The following ASIC1 variants were observed in gnomAD, a reference collection of about 807,000 sequenced individuals.
ASIC1 encodes the protein acid-sensing ion channel 1.
Under a neutral mutation model 63.4 loss-of-function variants are expected in ASIC1, and 21 were observed. That is an observed-to-expected ratio of 0.33 (90% CI 0.23 to 0.48). The LOEUF is 0.48. ASIC1 is among the 20% of genes least tolerant of loss of function. The pLI is 0.99. For missense variants in ASIC1, 478 were observed against 695.5 expected (o/e 0.69, Z 3.52); for synonymous variants, 258 against 278.2 (o/e 0.93, Z 0.72).
chr12:50,079,171 G>A (rs1950689157), intron 7 of ASIC1, among the ~76,000 whole-genome samples, 191 bp downstream of exon 7: 1 of 152,148 alleles, frequency 6.6e-6, no homozygotes, highest in Admixed American at 6.5e-5. Context: ...CAGCACTTTG[G>A]GAGGCTGAGG....
At chr12:50,079,728 G>A (rs766500724) in intron 7 of ASIC1, among the ~76,000 whole-genome samples, 174 bp from the exon 8 acceptor site, 2 of 152,162 alleles carry the variant, frequency 1.3e-5, no homozygotes, top group Admixed American at 6.5e-5. Context: ...CATGCCTCAG[G>A]CTGGATGGTG....
At chr12:50,072,930 G>A (rs545007182) in intron 3 of ASIC1, among the ~76,000 whole-genome samples, 183 of 152,314 alleles carry the variant, frequency 1.2e-3, no homozygotes, top group African/African-American at 4.3e-3. Context: ...CAGGGTCGGG[G>A]ACTGGAATTG....
At chr12:50,069,700 A>ATT (rs112116475) in intron 3 of ASIC1, among the ~76,000 whole-genome samples, 5 of 147,412 alleles carry the variant, frequency 3.4e-5, no homozygotes, top group African/African-American at 1.2e-4. Flanking sequence ...TGATAGAGTC[A>ATT]TTTTTTTTTT....
At chr12:50,063,055 G>GA (rs1161317666) in intron 3 of ASIC1, among the ~76,000 whole-genome samples, 1 of 152,198 alleles carries the variant, frequency 6.6e-6, no homozygotes, top group Non-Finnish European at 1.5e-5. Context: ...CAACCACAGT[G>GA]ACCCAACCAC....
In ASIC1 at chr12:50,059,069, C is replaced by T. The variant is rs141895319; in HGVS notation, c.303C>T (p.Ser101=). The change falls in exon 2 of 12, where the codon AGC becomes AGT. Residue 101 remains serine, a synonymous_variant. Coordinates refer to ENST00000447966, the MANE Select transcript of ASIC1 (RefSeq NM_001095.4). The surrounding 1 kb of genome is among the most constrained non-coding windows in gnomAD (Gnocchi z 4.6). ...GCAACCTCAACGAGTTCCGCTTTAG[C>T]CAAGTCTCCAAGAATGACCTGTATC... ...TLCNLNEFRF[S]QVSKNDLYHA... is the part of the protein sequence containing the mutation. 4.0e-4 allele frequency: 644 copies of T among 1,614,184 alleles called. 2 individuals carry two copies. The highest frequency in any genetic ancestry group is 2.7e-5 in the Non-Finnish European group (32 of 1,180,018).
chr12:50,061,731 G>A (rs1015760321), intron 3 of ASIC1, among the ~76,000 whole-genome samples: 2 of 152,228 alleles, frequency 1.3e-5, no homozygotes, highest in Non-Finnish European at 2.9e-5. Flanking sequence ...AAAGTATTCA[G>A]TTGAGGCTCC....
intron 3 of ASIC1, among the ~76,000 whole-genome samples, chr12:50,075,419 T>C (rs1434008044): frequency 6.6e-6 from 1 of 152,214 alleles, no homozygotes; most frequent in Non-Finnish European, 1.5e-5. Context: ...ACAGGGCTGC[T>C]AGCCGGCCTC....
intron 3 of ASIC1, among the ~76,000 whole-genome samples, chr12:50,070,354 G>C (rs921161138): frequency 6.6e-6 from 1 of 152,050 alleles, no homozygotes; most frequent in Non-Finnish European, 1.5e-5. Context: ...ACATGCAGTT[G>C]GGTGTGTGTG....
intron 4 of ASIC1, 47 bp from the exon 5 acceptor site, chr12:50,077,953 T>TA (rs1306741672): frequency 1.3e-6 from 2 of 1,575,910 alleles, no homozygotes; most frequent in South Asian, 2.4e-5. Context: ...TGAGGGGTGT[T>TA]AGGGAGTCAG....
rs191288553 is a variant in ASIC1, at chr12:50,070,437, G to A, written c.559-6776G>A. Among the ~76,000 whole-genome samples, 907 of 151,794 alleles carry A rather than the reference G, an allele frequency of 6.0e-3. 7 individuals carry two copies. The highest frequency in any genetic ancestry group is 7.9e-3 in the Non-Finnish European group (538 of 67,896). ...GTGTGTGTGTTGGGGTGTGTGTGTC[G>A]CCCCACACCAGGGCTGCGTGTCTGT... On this transcript the variant is annotated intron_variant, in intron 3 of 11. Transcript: ENST00000447966.
chr12:50,062,600 A>G (rs1420216317), intron 3 of ASIC1, among the ~76,000 whole-genome samples: 2 of 29,626 alleles, frequency 6.8e-5, no homozygotes, highest in South Asian at 1.5e-3. Context: ...ACCTTGCTCA[A>G]TGCTTTTGCA....
In ASIC1 at chr12:50,058,757, C is replaced by G; in HGVS notation, c.-10C>G. The G allele has an allele frequency of 1.9e-6, 3 of 1,566,120 alleles. No homozygotes were observed. Among genetic ancestry groups the G allele is most frequent in the African/African-American group, 2.7e-5 (2 of 74,276 alleles). On this transcript the variant is annotated 5_prime_UTR_variant, in exon 2 of 12. Coordinates refer to ENST00000447966, the MANE Select transcript of ASIC1 (RefSeq NM_001095.4). ...TCCCTCCCTCCTCCCCCAGGATCCCCTCAACAAGGATGGAACTGAAGGCCG... is the reference window on the plus strand; with the variant it reads ...TCCCTCCCTCCTCCCCCAGGATCCCGTCAACAAGGATGGAACTGAAGGCCG...
chr12:50,075,400 C>T (rs1015072253), intron 3 of ASIC1, among the ~76,000 whole-genome samples: 6 of 152,182 alleles, frequency 3.9e-5, no homozygotes, highest in Non-Finnish European at 7.3e-5. Flanking sequence ...TCCTCTGAAC[C>T]GGCGCAAGAC....
rs941769265 is a variant in ASIC1 at position 50,059,213 on chromosome 12, G to C, written c.362+85G>C. The C allele has an allele frequency of 1.9e-5, 29 of 1,542,632 alleles. No homozygotes were observed. Among genetic ancestry groups the C allele is most frequent in the Non-Finnish European group, 2.4e-5 (28 of 1,147,138 alleles). On this transcript the variant is annotated intron_variant, in intron 2 of 11. Transcript: ENST00000447966. This position sits in a 1 kb window ranked among gnomAD's most constrained non-coding sequence, Gnocchi z 4.6. ...ATGTCTGCCTCCCTGACCCACCATA[G>C]AGCCCAGCCAACCCTGCCCTTTAAC... is the stretch of plus-strand genomic sequence containing the variant.
intron 3 of ASIC1, among the ~76,000 whole-genome samples, chr12:50,075,482 T>G (rs1040527030): frequency 6.6e-6 from 1 of 152,320 alleles, no homozygotes; most frequent in South Asian, 2.1e-4. Context: ...TGGGCATATG[T>G]CCAGCCTGGA....
At chr12:50,060,043 G>C in intron 3 of ASIC1, 89 bp downstream of exon 3, 1 of 1,467,182 alleles carries the variant, frequency 6.8e-7, no homozygotes. Context: ...CCGGGTGCTT[G>C]CTACTCTGGG....
At chr12:50,079,841 G>T in intron 7 of ASIC1, 61 bp from the exon 8 acceptor site, 1 of 1,539,466 alleles carries the variant, frequency 6.5e-7, no homozygotes, top group Non-Finnish European at 8.8e-7. Context: ...GGATGTGCAT[G>T]TGGGAAGGTG....
intron 3 of ASIC1, among the ~76,000 whole-genome samples, chr12:50,076,587 T>A (rs998688357): frequency 1.3e-5 from 2 of 151,902 alleles, no homozygotes; most frequent in African/African-American, 4.8e-5. Context: ...GAGGAAAGTG[T>A]CCCAAGGAGG....
In ASIC1 at chr12:50,059,232, C is replaced by A; in HGVS notation, c.362+104C>A. 1 of 1,469,252 alleles carries A rather than the reference C, an allele frequency of 6.8e-7. No homozygotes were observed. Among genetic ancestry groups the A allele is most frequent in the Non-Finnish European group, 9.1e-7 (1 of 1,098,904 alleles). 91.0% of individuals were successfully genotyped at this position (1,469,252 alleles called of 1,614,324 possible). The stretch of plus-strand genomic sequence containing the variant: ...ACCATAGAGCCCAGCCAACCCTGCC[C>A]TTTAACCCACCCCCACCCCCAAACC... On this transcript the variant is annotated intron_variant, in intron 2 of 11. Coordinates refer to ENST00000447966, the MANE Select transcript of ASIC1 (RefSeq NM_001095.4). This position sits in a 1 kb window ranked among gnomAD's most constrained non-coding sequence, Gnocchi z 4.6.
Sources: allele counts gnomAD v4.1 joint callset (sites outside exome capture counted in the v4.1 genomes callset), GRCh38; gene constraint gnomAD v4.1.1; non-coding constraint Gnocchi (gnomAD v3.1); transcripts MANE v1.5; gene names NCBI Gene and HGNC (gene_info 2026-07-23, HGNC 2026-07-21).